The following EPHA8 variants were observed in gnomAD, a reference collection of about 807,000 sequenced individuals.
The protein encoded by EPHA8 is EPH receptor A8.
A neutral mutation model predicts 103.6 loss-of-function variants in EPHA8; 58 were observed. The ratio of observed to expected loss-of-function variants is 0.56; its 90% CI spans 0.45 to 0.70. The LOEUF is 0.70. Ranked by LOEUF, EPHA8 falls within the 30% of genes least tolerant of loss-of-function variation. The pLI, the probability that EPHA8 is intolerant of heterozygous loss-of-function variation, is 0.00. For missense variants in EPHA8, 1,304 were observed against 1,395.2 expected (o/e 0.93, Z 1.04); for synonymous variants, 559 against 572.5 (o/e 0.98, Z 0.34).
intron 2 of EPHA8, among the ~76,000 whole-genome samples, chr1:22,572,254 C>A (rs776511385): frequency 6.6e-6 from 1 of 152,196 alleles, no homozygotes; most frequent in Non-Finnish European, 1.5e-5. Context: ...TCCTGATGAA[C>A]GGGGGCTCCG....
Position 22,593,664 on chromosome 1 carries a change from G to A in EPHA8, c.1581G>A (p.Met527Ile). Residue 527 changes from methionine (M) to isoleucine (I), a missense_variant, in exon 7 of 17, where the codon ATG becomes ATA. By Grantham distance (10) the Met-to-Ile change is conservative. Coordinates refer to ENST00000166244, the MANE Select transcript of EPHA8 (RefSeq NM_020526.5). ...GCTGTGGCCGCTTCAGCCAGGCCAT[G>A]GAGGTGGAGACCGGGAAACCCCGTG... ...SAGCGRFSQAMEVETGKPRPR... is the reference protein window; with the variant it reads ...SAGCGRFSQAIEVETGKPRPR... The A allele has an allele frequency of 6.2e-7, 1 of 1,601,726 alleles. No individual in the cohort carries two copies. Among genetic ancestry groups the A allele is most frequent in the Non-Finnish European group, 8.5e-7 (1 of 1,174,390 alleles).
At chr1:22,599,081 G>A in intron 13 of EPHA8, 34 bp downstream of exon 13, 1 of 1,560,168 alleles carries the variant, frequency 6.4e-7, no homozygotes, top group Non-Finnish European at 8.7e-7. Flanking sequence ...GCTAGACTGG[G>A]GAGTGGGGAG....
chr1:22,579,265 ATG>A (rs1420496285), intron 3 of EPHA8, among the ~76,000 whole-genome samples: 4 of 149,886 alleles, frequency 2.7e-5, no homozygotes, highest in East Asian at 2.0e-4. Flanking sequence ...ATGTGCGTGC[ATG>A]TGTCAGAGTG....
At chr1:22,574,905 C>T (rs1640640761) in intron 2 of EPHA8, among the ~76,000 whole-genome samples, 1 of 152,166 alleles carries the variant, frequency 6.6e-6, no homozygotes, top group Non-Finnish European at 1.5e-5. Flanking sequence ...CAATCCCACC[C>T]GTAATGCACA....
Position 22,569,236 on chromosome 1 carries a change from G to T in EPHA8, c.95-53G>T. 1.3e-6 allele frequency: 2 copies of T among 1,596,310 alleles called. No individual in the cohort carries two copies. Among genetic ancestry groups the T allele is most frequent in the Non-Finnish European group, 1.7e-6 (2 of 1,164,800 alleles). ...GTAGCTGGGTCAGGCTGCTCTTGAG[G>T]AGCTGGGGAGAAGTCAGAGGGGCCT... is the stretch of plus-strand genomic sequence containing the variant. On this transcript the variant is annotated intron_variant, in intron 1 of 16. Transcript: ENST00000166244. The surrounding 1 kb of genome is among the most constrained non-coding windows in gnomAD (Gnocchi z 4.5).
In EPHA8 at chr1:22,597,471, G is replaced by C; in HGVS notation, c.1925G>C (p.Gly642Ala). 1.2e-6 allele frequency: 2 copies of C among 1,612,764 alleles called. No individual in the cohort carries two copies. The highest frequency in any genetic ancestry group is 1.7e-6 in the Non-Finnish European group (2 of 1,179,666). ...ASRIHIEKII[G>A]SGDSGEVCYG... ...AGGATCCACATCGAGAAAATCATCG[G>C]CTCTGGTGAGTCTCAGGGGTTGTGA... The change falls in exon 10 of 17, where the codon GGC (glycine) becomes GCC (alanine). Residue 642 changes from glycine to alanine, a missense_variant. Transcript: ENST00000166244. This position sits in a 1 kb window ranked among gnomAD's most constrained non-coding sequence, Gnocchi z 4.6.
intron 5 of EPHA8, among the ~76,000 whole-genome samples, chr1:22,590,949 A>T (rs879941672): frequency 2.0e-5 from 3 of 151,388 alleles, no homozygotes; most frequent in Admixed American, 1.3e-4. Flanking sequence ...TGTCACATCC[A>T]TCCCCCCCTA....
Position 22,576,120 on chromosome 1 carries a change from T to A in EPHA8, c.160-97T>A, listed in dbSNP as rs1640682490. ...CCAGGAGGCCAGCTCCTTTGTCTTTTTTTTTGCCAGCGTCCCCAGCACAGA... is the reference window on the plus strand; with the variant it reads ...CCAGGAGGCCAGCTCCTTTGTCTTTATTTTTGCCAGCGTCCCCAGCACAGA... On this transcript the variant is annotated intron_variant, in intron 2 of 16. Coordinates refer to ENST00000166244, the MANE Select transcript of EPHA8 (RefSeq NM_020526.5). The surrounding 1 kb of genome is among the most constrained non-coding windows in gnomAD (Gnocchi z 4.8). The A allele has an allele frequency of 5.6e-6, 8 of 1,424,634 alleles. No homozygotes were observed. The highest frequency in any genetic ancestry group is 7.6e-6 in the Non-Finnish European group (8 of 1,054,448). 88.2% of individuals were successfully genotyped at this position (1,424,634 alleles called of 1,614,324 possible). A position where few individuals can be genotyped will look rare whatever the true frequency, so the allele number is the denominator to read the frequency against.
chr1:22,569,860 G>A lies in EPHA8; in HGVS notation c.159+507G>A, dbSNP rs547384822. On this transcript the variant is annotated intron_variant, in intron 2 of 16. Coordinates refer to ENST00000166244, the MANE Select transcript of EPHA8 (RefSeq NM_020526.5). The surrounding 1 kb of genome is among the most constrained non-coding windows in gnomAD (Gnocchi z 4.5). ...CCGTGCCCCCATCCTCCTGGGGAAG[G>A]GCTGCAGTGAGCAGGCTGCACTGCC... is the stretch of plus-strand genomic sequence containing the variant. 3.5e-4 allele frequency among the ~76,000 whole-genome samples: 53 copies of A among 152,264 alleles called. No individual in the cohort carries two copies. Among genetic ancestry groups the A allele is most frequent in the African/African-American group, 1.1e-3 (46 of 41,558 alleles).
At chr1:22,579,358 TG>T (rs1640972658) in intron 3 of EPHA8, among the ~76,000 whole-genome samples, 1 of 148,056 alleles carries the variant, frequency 6.8e-6, no homozygotes, top group African/African-American at 2.6e-5. Flanking sequence ...TGTATGCGTG[TG>T]TGTATGTGTG....
In EPHA8 at chr1:22,598,953, A is replaced by G. The variant is rs768903431; in HGVS notation, c.2294A>G (p.Asn765Ser). 3.7e-6 allele frequency: 6 copies of G among 1,610,648 alleles called. No individual in the cohort carries two copies. Among genetic ancestry groups the G allele is most frequent in the Non-Finnish European group, 4.2e-6 (5 of 1,179,486 alleles). The change falls in exon 13 of 17, where the codon AAC becomes AGC. Residue 765 changes from asparagine (N) to serine (S), a missense_variant. Physicochemically the swap from Asn to Ser is conservative, Grantham distance 46. Transcript: ENST00000166244. This position sits in a 1 kb window ranked among gnomAD's most constrained non-coding sequence, Gnocchi z 5.1. ...GYVHRDLAAR[N>S]VLVDSNLVCK... is the part of the protein sequence containing the mutation. ...GTCCACCGAGACCTGGCCGCCCGCA[A>G]CGTCCTGGTTGACAGCAACCTGGTC...
rs960442770 is a variant in EPHA8 at position 22,597,735 on chromosome 1, G to T, written c.1990G>T (p.Val664Leu). Reference sequence around the variant, plus strand: ...GGTGCCAGGGCAGCGGGATGTGCCCGTGGCCATCAAGGCCCTCAAAGCCGG... The same window carrying T: ...GGTGCCAGGGCAGCGGGATGTGCCCTTGGCCATCAAGGCCCTCAAAGCCGG... ...LRVPGQRDVP[V>L]AIKALKAGYT... The change falls in exon 11 of 17, where the codon GTG becomes TTG. Residue 664 changes from valine to leucine, a missense_variant. Val to Leu is a conservative substitution (Grantham distance 32, BLOSUM62 1). Coordinates refer to ENST00000166244, the MANE Select transcript of EPHA8 (RefSeq NM_020526.5). This position sits in a 1 kb window ranked among gnomAD's most constrained non-coding sequence, Gnocchi z 4.6. 1 of 1,613,024 alleles carries T rather than the reference G, an allele frequency of 6.2e-7. No homozygotes were observed. Among genetic ancestry groups the T allele is most frequent in the Non-Finnish European group, 8.5e-7 (1 of 1,179,958 alleles).
At chr1:22,575,330 T>C (rs1640654277) in intron 2 of EPHA8, among the ~76,000 whole-genome samples, 1 of 152,240 alleles carries the variant, frequency 6.6e-6, no homozygotes, top group Non-Finnish European at 1.5e-5. Flanking sequence ...TGTATTTCCC[T>C]AATGATTAGT....
At position 22,576,384 on chromosome 1, in the gene EPHA8, C is replaced by T. The variant is rs1640695824; in HGVS notation, c.327C>T (p.Asn109=). The T allele has an allele frequency of 1.2e-6, 2 of 1,613,908 alleles. No individual in the cohort carries two copies. ...TCAAGTTTACCCTGCGCGACTGCAACAGCATGCCTGGTGTGCTGGGCACCT... is the reference window on the plus strand; with the variant it reads ...TCAAGTTTACCCTGCGCGACTGCAATAGCATGCCTGGTGTGCTGGGCACCT... ...AEIKFTLRDC[N]SMPGVLGTCK... is the part of the protein sequence containing the mutation. The change falls in exon 3 of 17, where the codon AAC becomes AAT. Residue 109 remains asparagine (N), a synonymous_variant. Transcript: ENST00000166244. The surrounding 1 kb of genome is among the most constrained non-coding windows in gnomAD (Gnocchi z 4.8).
intron 3 of EPHA8, among the ~76,000 whole-genome samples, chr1:22,579,230 T>C (rs55868411): frequency 0.083 from 12,575 of 151,716 alleles, 548 homozygotes; most frequent in South Asian, 0.18. Context: ...TGTATGCATG[T>C]GTGTGCATGT....
chr1:22,570,380 ACACG>A (rs1342943686), intron 2 of EPHA8, among the ~76,000 whole-genome samples: 4 of 88,632 alleles, frequency 4.5e-5, no homozygotes, highest in African/African-American at 8.5e-5. Flanking sequence ...GCGCGTACAC[ACACG>A]CGCGCGCGCA....
In EPHA8 at chr1:22,589,834, T is replaced by C. The variant is rs2148254555; in HGVS notation, c.1315+628T>C. ...GAGCCCTCCTAGGGCAGCTTCCTATTAACAGCCACCCTCACCTGTGCCCAA... is the reference window on the plus strand; with the variant it reads ...GAGCCCTCCTAGGGCAGCTTCCTATCAACAGCCACCCTCACCTGTGCCCAA... On this transcript the variant is annotated intron_variant, in intron 5 of 16. Transcript: ENST00000166244. This position sits in a 1 kb window ranked among gnomAD's most constrained non-coding sequence, Gnocchi z 4.3. Among the ~76,000 whole-genome samples, 1 of 152,002 alleles carries C rather than the reference T, an allele frequency of 6.6e-6. No individual in the cohort carries two copies. The highest frequency in any genetic ancestry group is 1.5e-5 in the Non-Finnish European group (1 of 67,960).
chr1:22,595,289 G>T lies in EPHA8; in HGVS notation c.1663G>T (p.Val555Leu). The change falls in exon 8 of 17, where the codon GTG becomes TTG. Residue 555 changes from valine to leucine, a missense_variant. Coordinates refer to ENST00000166244, the MANE Select transcript of EPHA8 (RefSeq NM_020526.5). ...WICLTLITGL[V>L]VLLLLLICKK... ...CTGCCTGACGCTCATCACGGGCCTGGTGGTGCTTCTGCTCCTGCTCATCTG... is the reference window on the plus strand; with the variant it reads ...CTGCCTGACGCTCATCACGGGCCTGTTGGTGCTTCTGCTCCTGCTCATCTG... 6.2e-7 allele frequency: 1 copy of T among 1,613,868 alleles called. No individual in the cohort carries two copies. The highest frequency in any genetic ancestry group is 1.7e-5 in the Admixed American group (1 of 60,014).
intron 3 of EPHA8, among the ~76,000 whole-genome samples, chr1:22,585,055 A>G (rs55749193): frequency 0.32 from 46,204 of 143,266 alleles, 8,950 homozygotes; most frequent in African/African-American, 0.61. Context: ...GTGTGTGCGC[A>G]CGCGTGTGTC....
Sources: allele counts gnomAD v4.1 joint callset (sites outside exome capture counted in the v4.1 genomes callset), GRCh38; gene constraint gnomAD v4.1.1; non-coding constraint Gnocchi (gnomAD v3.1); transcripts MANE v1.5; gene names NCBI Gene and HGNC (gene_info 2026-07-23, HGNC 2026-07-21).